Variants in ZDHHC11B observed in about 807,000 individuals in gnomAD.
The protein encoded by ZDHHC11B is probable palmitoyltransferase ZDHHC11B.
Under a neutral mutation model 42.3 loss-of-function variants are expected in ZDHHC11B, and 17 were observed. The observed-to-expected ratio is 0.40, with a 90% CI of 0.27 to 0.60. The LOEUF (loss-of-function observed/expected upper bound fraction) is 0.60, where lower values mean the gene tolerates loss of function less well. Among genes scored for constraint, ZDHHC11B ranks in the 20% least tolerant of loss-of-function variants. The pLI, the probability that ZDHHC11B is intolerant of heterozygous loss-of-function variation, is 0.41. For synonymous variants in ZDHHC11B, 123 were observed against 193.5 expected, an observed-to-expected ratio of 0.64 and a Z score of 3.02; for missense variants, 262 against 463.2, an observed-to-expected ratio of 0.57 and a Z score of 3.99.
At chr5:778,791 CAG>C (rs1383149133) in intron 1 of ZDHHC11B, among the ~76,000 whole-genome samples, 1 of 151,820 alleles carries the variant, frequency 6.6e-6, no homozygotes, top group Middle Eastern at 3.2e-3. Context: ...AGAGAAGACA[CAG>C]AGAGAAGAGA....
At chr5:734,254 C>A (rs1229299204) in intron 10 of ZDHHC11B, among the ~76,000 whole-genome samples, 2 of 112,876 alleles carry the variant, frequency 1.8e-5, no homozygotes, top group African/African-American at 8.9e-5. Context: ...CAGCAGCATA[C>A]CAGAAAAAAC....
rs777836604 is a variant in ZDHHC11B, at chr5:766,938, G to T, written c.1-19C>A. On this transcript the variant is annotated intron_variant, in intron 3 of 13. Coordinates refer to ENST00000508859, the MANE Select transcript of ZDHHC11B (RefSeq NM_001351303.2). ...TGTCCATCTGCAGGACACAGAAGGG[G>T]AGGACCTGCGCCATCAGCTCCGGGG... The T allele has an allele frequency of 6.2e-7, 1 of 1,608,224 alleles. No individual in the cohort carries two copies. The highest frequency in any genetic ancestry group is 1.3e-5 in the African/African-American group (1 of 74,840).
intron 12 of ZDHHC11B, among the ~76,000 whole-genome samples, chr5:719,261 A>G (rs1742005353): frequency 6.6e-6 from 1 of 151,724 alleles, no homozygotes; most frequent in African/African-American, 2.4e-5. Flanking sequence ...TAACAAAAAA[A>G]GAACATATAA....
chr5:730,286 C>G (rs1742919926), intron 12 of ZDHHC11B, 148 bp downstream of exon 12: 8 of 1,034,542 alleles, frequency 7.7e-6, no homozygotes, highest in Non-Finnish European at 1.1e-5. Flanking sequence ...ACATGAATGG[C>G]TATAAATGTT....
intron 1 of ZDHHC11B, among the ~76,000 whole-genome samples, chr5:774,080 G>A (rs1303047755): frequency 8.6e-5 from 13 of 151,838 alleles, no homozygotes; most frequent in East Asian, 1.9e-4. Context: ...CCAAGGACTC[G>A]GCCACCTAGG....
intron 8 of ZDHHC11B, 34 bp downstream of exon 8, chr5:748,370 T>C (rs1745108676): frequency 3.5e-6 from 4 of 1,157,854 alleles, no homozygotes; most frequent in Non-Finnish European, 4.7e-6. Context: ...CAACCAGGCT[T>C]GGGGGGATCG....
At chr5:719,266 A>T (rs2126960629) in intron 12 of ZDHHC11B, among the ~76,000 whole-genome samples, 1 of 151,802 alleles carries the variant, frequency 6.6e-6, no homozygotes, top group Admixed American at 6.6e-5. Context: ...AAAAAAGAAC[A>T]TATAAAGAAA....
intron 12 of ZDHHC11B, among the ~76,000 whole-genome samples, chr5:725,121 G>A (rs2126981348): frequency 6.6e-6 from 1 of 151,518 alleles, no homozygotes. Flanking sequence ...CGGATGACAG[G>A]ATTCGTGAGT....
chr5:767,070 CGCAGAGGGAGCAGGGGTTG>C, intron 3 of ZDHHC11B, 151 bp from the exon 4 acceptor site: 2 of 1,030,742 alleles, frequency 1.9e-6, no homozygotes, highest in Non-Finnish European at 2.8e-6. Flanking sequence ...CCACGTTCCC[CGCAGAGGGAGCAGGGGTTG>C]GGCTGGAGTC....
At chr5:758,269 C>G (rs746579629) in intron 4 of ZDHHC11B, among the ~76,000 whole-genome samples, 2 of 151,946 alleles carry the variant, frequency 1.3e-5, no homozygotes, top group Non-Finnish European at 2.9e-5. Flanking sequence ...GCTGGAGCAG[C>G]ACTTCCCTCA....
At chr5:715,626 T>C (rs1462263508) in intron 13 of ZDHHC11B, among the ~76,000 whole-genome samples, 1 of 151,814 alleles carries the variant, frequency 6.6e-6, no homozygotes, top group Non-Finnish European at 1.5e-5. Flanking sequence ...CCAATTATGA[T>C]TTTGACTCCT....
At position 777,520 on chromosome 5, in the gene ZDHHC11B, T is replaced by C. The variant is rs181854653; in HGVS notation, c.-230+7148A>G. Among the ~76,000 whole-genome samples, 66 of 151,918 alleles carry C rather than the reference T, an allele frequency of 4.3e-4. 2 individuals carry two copies. In the East Asian group the frequency reaches 5.4e-3, roughly 12 times the overall value. On this transcript the variant is annotated intron_variant, in intron 1 of 13. Coordinates refer to ENST00000508859, the MANE Select transcript of ZDHHC11B (RefSeq NM_001351303.2). ...TTGCTAAGAGCAAAAGAACAAACTT[T>C]CCACAGCGGAGAAGAGAATGGAGTC... is the stretch of plus-strand genomic sequence containing the variant.
At chr5:748,690 C>A (rs1745162181) in intron 7 of ZDHHC11B, 131 bp from the exon 8 acceptor site, 3 of 1,075,542 alleles carry the variant, frequency 2.8e-6, no homozygotes, top group East Asian at 3.7e-5. Flanking sequence ...TGCCTCCCTG[C>A]CCTGGTGGAC....
At position 751,192 on chromosome 5, in the gene ZDHHC11B, T is replaced by TA. The variant is rs1221705819; in HGVS notation, c.568dup (p.Tyr190LeufsTer20). Reference sequence around the variant, plus strand: ...GTTCACGAGGTACTGGACGAGGACATACAGCAGGATGGCGATCAGGCAGAG... The same window carrying TA: ...GTTCACGAGGTACTGGACGAGGACATAACAGCAGGATGGCGATCAGGCAGAG... On this transcript the variant is annotated frameshift_variant, in exon 7 of 14. Coordinates refer to ENST00000508859, the MANE Select transcript of ZDHHC11B (RefSeq NM_001351303.2). LOFTEE classifies it high-confidence loss of function. 7.6e-7 allele frequency: 1 copy of TA among 1,307,208 alleles called. No homozygotes were observed. Among genetic ancestry groups the TA allele is most frequent in the East Asian group, 3.0e-5 (1 of 33,824 alleles). The allele number at this position is 1,307,208 out of a possible 1,614,324, so 81.0% of individuals were successfully genotyped here.
intron 12 of ZDHHC11B, among the ~76,000 whole-genome samples, chr5:719,659 A>G (rs668337): frequency 0.5 from 73,950 of 148,998 alleles, 14,529 homozygotes; most frequent in African/African-American, 0.55. Context: ...GAGGATAAAC[A>G]GAGCTTGAAA....
Position 737,352 on chromosome 5 carries a change from T to C in ZDHHC11B, c.936-3513A>G, listed in dbSNP as rs1322740349. Among the ~76,000 whole-genome samples the C allele has an allele frequency of 2.7e-5, 4 of 149,152 alleles. 1 individual carries two copies. The highest frequency in any genetic ancestry group is 6.8e-5 in the Admixed American group (1 of 14,710). On this transcript the variant is annotated intron_variant, in intron 10 of 13. Transcript: ENST00000508859. ...TGCCAACTAAAATATCCAGGATGTA[T>C]TCACAGCTGAATTCTACCAGGCATC...
chr5:723,926 G>A (rs2126976612), intron 12 of ZDHHC11B, among the ~76,000 whole-genome samples: 1 of 139,648 alleles, frequency 7.2e-6, no homozygotes, highest in African/African-American at 2.6e-5. Context: ...CAGGACATCT[G>A]AGAGGACCTG....
rs910828742 is a variant in ZDHHC11B, at chr5:746,110, G to A, written c.785-812C>T. On this transcript the variant is annotated intron_variant, in intron 8 of 13. Coordinates refer to ENST00000508859, the MANE Select transcript of ZDHHC11B (RefSeq NM_001351303.2). The stretch of plus-strand genomic sequence containing the variant: ...ATCTAAAAGAGCCGTCTTAACAAAC[G>A]TTAATAAAATGGGCTCTGCACCTAT... 6.0e-5 allele frequency among the ~76,000 whole-genome samples: 9 copies of A among 149,086 alleles called. 1 individual carries two copies. Among genetic ancestry groups the A allele is most frequent in the Admixed American group, 2.0e-4 (3 of 14,696 alleles).
chr5:737,768 C>T (rs1175069913), intron 10 of ZDHHC11B, among the ~76,000 whole-genome samples: 2 of 148,906 alleles, frequency 1.3e-5, no homozygotes, highest in African/African-American at 5.0e-5. Flanking sequence ...TATAATAGAA[C>T]ACTCATCAAA....
Sources: allele counts gnomAD v4.1 joint callset (sites outside exome capture counted in the v4.1 genomes callset), GRCh38; gene constraint gnomAD v4.1.1; transcripts MANE v1.5; gene names NCBI Gene and HGNC (gene_info 2026-07-23, HGNC 2026-07-21).